The following PDE1C variants were observed in gnomAD, a reference collection of about 807,000 sequenced individuals.
The protein encoded by PDE1C is phosphodiesterase 1C, also known as dual specificity calcium/calmodulin-dependent 3',5'-cyclic nucleotide phosphodiesterase 1C.
PDE1C carries 62 observed loss-of-function variants against 93.1 expected under a neutral mutation model. The observed-to-expected ratio is 0.67, with a 90% CI of 0.54 to 0.82. PDE1C has a LOEUF of 0.82. PDE1C is among the 40% of genes least tolerant of loss of function. PDE1C has a pLI of 0.00. For synonymous variants in PDE1C, 325 were observed against 310.1 expected, an observed-to-expected ratio of 1.05 and a Z score of -0.50; for missense variants, 742 against 884.6, an observed-to-expected ratio of 0.84 and a Z score of 2.04.
the PDE1C span, among the ~76,000 whole-genome samples, chr7:31,696,388 A>G: frequency 2.0e-5 from 3 of 152,212 alleles, no homozygotes; most frequent in African/African-American, 7.2e-5. Context: ...GTGACATCAT[A>G]AGGGAGTTCT....
intron 1 of PDE1C, among the ~76,000 whole-genome samples, chr7:32,369,557 G>T (rs1032126136): frequency 2.0e-5 from 3 of 152,112 alleles, no homozygotes; most frequent in African/African-American, 7.2e-5. Context: ...AACTAGTACA[G>T]CCACTTTAGA....
the PDE1C span, among the ~76,000 whole-genome samples, chr7:31,647,065 C>A: frequency 6.6e-6 from 1 of 152,238 alleles, no homozygotes; most frequent in Admixed American, 6.5e-5. Context: ...TACTCCTATG[C>A]AGGCATACAT....
chr7:32,250,547 T>G (rs1809299749), intron 1 of PDE1C, among the ~76,000 whole-genome samples: 1 of 152,228 alleles, frequency 6.6e-6, no homozygotes, highest in Admixed American at 6.5e-5. Context: ...TCTAATTCCC[T>G]ACCTAATACA....
chr7:31,937,169 T>A (rs967447986), intron 2 of PDE1C, among the ~76,000 whole-genome samples: 2 of 152,136 alleles, frequency 1.3e-5, no homozygotes, highest in African/African-American at 4.8e-5. Flanking sequence ...AGATGGTGAC[T>A]GTCTCTTATC....
At chr7:32,086,317 A>G (rs1797070107) in intron 3 of PDE1C, among the ~76,000 whole-genome samples, 2 of 152,190 alleles carry the variant, frequency 1.3e-5, no homozygotes, top group South Asian at 4.2e-4. Flanking sequence ...GGACCTCTTC[A>G]AGGAGAACTA....
At chr7:32,126,200 TCTAG>T (rs1426305706) in intron 3 of PDE1C, among the ~76,000 whole-genome samples, 3 of 101,424 alleles carry the variant, frequency 3.0e-5, no homozygotes, top group African/African-American at 1.1e-4. Context: ...AATCCACTAT[TCTAG>T]ATAGATAGAT....
chr7:31,749,703 G>C (rs1272031937), downstream of PDE1C, among the ~76,000 whole-genome samples: 1 of 151,784 alleles, frequency 6.6e-6, no homozygotes, highest in Non-Finnish European at 1.5e-5. Flanking sequence ...CTCTGCAAAG[G>C]GAGGCTGATA....
chr7:32,094,922 C>G (rs1797671343), intron 3 of PDE1C, among the ~76,000 whole-genome samples: 1 of 152,160 alleles, frequency 6.6e-6, no homozygotes, highest in South Asian at 2.1e-4. Flanking sequence ...ATGAGCAGCT[C>G]CTTCACAGCT....
intron 3 of PDE1C, among the ~76,000 whole-genome samples, chr7:32,115,956 G>A (rs1294232767): frequency 6.6e-6 from 1 of 152,144 alleles, no homozygotes; most frequent in Non-Finnish European, 1.5e-5. Context: ...AAGAGACCAA[G>A]ATGGCAGGGA....
intron 2 of PDE1C, among the ~76,000 whole-genome samples, chr7:32,041,434 C>G (rs73098628): frequency 0.073 from 11,180 of 152,170 alleles, 495 homozygotes; most frequent in Non-Finnish European, 0.09. Flanking sequence ...CCAGCCCCCT[C>G]TCCTCGACAT....
At chr7:31,704,571 T>C in the PDE1C span, among the ~76,000 whole-genome samples, 1 of 152,192 alleles carries the variant, frequency 6.6e-6, no homozygotes, top group Non-Finnish European at 1.5e-5. Flanking sequence ...CACGGTTCAA[T>C]AGCGGAGAAG....
the PDE1C span, among the ~76,000 whole-genome samples, chr7:31,674,636 A>G: frequency 6.6e-6 from 1 of 152,328 alleles, no homozygotes; most frequent in East Asian, 1.9e-4. Context: ...CAGAAACTTT[A>G]CTTATAACAG....
intron 3 of PDE1C, among the ~76,000 whole-genome samples, chr7:32,130,315 A>T (rs1212457864): frequency 2.0e-5 from 3 of 152,166 alleles, no homozygotes; most frequent in Non-Finnish European, 4.4e-5. Flanking sequence ...ATTACAAAAC[A>T]TAGGAGGTAA....
At chr7:32,046,905 TG>T (rs1449828644) in intron 2 of PDE1C, among the ~76,000 whole-genome samples, 1 of 152,194 alleles carries the variant, frequency 6.6e-6, no homozygotes, top group Non-Finnish European at 1.5e-5. Flanking sequence ...CTAAACATTC[TG>T]ACCAAAGTAT....
rs1214857796 is a variant in PDE1C at position 32,420,214 on chromosome 7, TATATATAC to T, written c.310+7600_310+7607del. ...ATGTGTATATATATACATATATATGTATATATACATATATATGTATATATATGTGTATA... is the reference window on the plus strand; with the variant it reads ...ATGTGTATATATATACATATATATGTATATATATGTATATATATGTGTATA... On this transcript the variant is annotated intron_variant, in intron 1 of 1. Coordinates refer to the PDE1C transcript ENST00000672256. 1.7e-4 allele frequency among the ~76,000 whole-genome samples: 5 copies of T among 28,728 alleles called. 2 individuals carry two copies. The highest frequency in any genetic ancestry group is 3.9e-4 in the Non-Finnish European group (5 of 12,854). The allele number at this position is 28,728 out of a possible 152,430, so 18.8% of individuals were successfully genotyped here. A position where few individuals can be genotyped will look rare whatever the true frequency, so the allele number is the denominator to read the frequency against.
chr7:32,194,166 G>A (rs1002732140), intron 2 of PDE1C, among the ~76,000 whole-genome samples: 6 of 152,064 alleles, frequency 3.9e-5, no homozygotes, highest in South Asian at 4.1e-4. Context: ...TGCCCGCCTC[G>A]GCCTCCCAAA....
chr7:32,314,162 CA>C (rs1783117336), intron 1 of PDE1C, among the ~76,000 whole-genome samples: 1 of 151,956 alleles, frequency 6.6e-6, no homozygotes, highest in African/African-American at 2.4e-5. Context: ...TTAAATATAT[CA>C]ACAATTTTAA....
chr7:31,935,824 C>G (rs1343807751), intron 2 of PDE1C, among the ~76,000 whole-genome samples: 2 of 151,568 alleles, frequency 1.3e-5, no homozygotes, highest in Non-Finnish European at 2.9e-5. Flanking sequence ...TCTAACGTCA[C>G]CAAGCAGCAG....
chr7:32,225,588 A>G (rs11769301), intron 1 of PDE1C, among the ~76,000 whole-genome samples: 18,300 of 152,170 alleles, frequency 0.12, 1,191 homozygotes, highest in East Asian at 0.23. Flanking sequence ...ATTAAATTTA[A>G]GCTCACAACG....
Sources: gnomAD v4.1 joint callset for allele counts (sites outside exome capture counted in the v4.1 genomes callset) on GRCh38, gnomAD v4.1.1 for gene constraint, MANE v1.5 for transcripts, NCBI Gene and HGNC (gene_info 2026-07-23, HGNC 2026-07-21) for gene names.